Variants in NOVA2 observed in about 807,000 individuals in gnomAD.
NOVA2 encodes the protein NOVA alternative splicing regulator 2, also known as RNA-binding protein Nova-2.
In NOVA2, 9 loss-of-function variants were observed where a neutral mutation model predicts 22.5. The ratio of observed to expected loss-of-function variants is 0.40; its 90% CI spans 0.24 to 0.70. The LOEUF (loss-of-function observed/expected upper bound fraction) is 0.70, where lower values mean the gene tolerates loss of function less well. NOVA2 is among the 30% of genes least tolerant of loss of function. The pLI, the probability that NOVA2 is intolerant of heterozygous loss-of-function variation, is 0.38. For synonymous variants in NOVA2, 318 were observed against 335.2 expected (o/e 0.95, Z 0.56); for missense variants, 383 against 682.8 (o/e 0.56, Z 4.89).
intron 2 of NOVA2, among the ~76,000 whole-genome samples, chr19:45,956,009 C>A (rs188919894): frequency 7.7e-4 from 117 of 152,352 alleles, no homozygotes; most frequent in African/African-American, 2.8e-3. Context: ...ACGACCCTGA[C>A]TCCTCAATTG....
At chr19:45,941,023 C>G in intron 3 of NOVA2, 78 bp from the exon 4 acceptor site, 2 of 1,369,510 alleles carry the variant, frequency 1.5e-6, no homozygotes, top group Non-Finnish European at 2.0e-6. Context: ...GGCACGGTGG[C>G]TGTCGCCTGT....
chr19:45,958,586 AGTGT>A (rs1037590687), intron 2 of NOVA2, among the ~76,000 whole-genome samples: 2 of 148,696 alleles, frequency 1.3e-5, no homozygotes, highest in South Asian at 2.1e-4. Flanking sequence ...AGTGTGAATG[AGTGT>A]GTGTGAGCAT....
intron 1 of NOVA2, among the ~76,000 whole-genome samples, chr19:45,966,083 C>A (rs1326805892): frequency 6.6e-6 from 1 of 152,222 alleles, no homozygotes; most frequent in East Asian, 1.9e-4. Context: ...TTGTTAATCA[C>A]CCATTTCCCT....
chr19:45,973,198 G>A (rs889851479), intron 1 of NOVA2, 69 bp downstream of exon 1: 56 of 792,546 alleles, frequency 7.1e-5, no homozygotes, highest in East Asian at 3.2e-4. Flanking sequence ...CCACGGGAGG[G>A]GGGGAAAGGA....
chr19:45,946,281 G>A (rs1221823778), intron 3 of NOVA2, among the ~76,000 whole-genome samples: 1 of 152,146 alleles, frequency 6.6e-6, no homozygotes, highest in Non-Finnish European at 1.5e-5. Context: ...CAGTCTGGGT[G>A]ATCGAGCCAG....
intron 2 of NOVA2, among the ~76,000 whole-genome samples, chr19:45,956,996 TA>T (rs1968014939): frequency 1.3e-5 from 2 of 152,340 alleles, no homozygotes; most frequent in East Asian, 3.9e-4. Flanking sequence ...GAGGGAGGCA[TA>T]AAATGATGAC....
rs1046697273 is a variant in NOVA2 at position 45,962,933 on chromosome 19, C to T, written c.86-1780G>A. On this transcript the variant is annotated intron_variant, in intron 1 of 3. Coordinates refer to ENST00000263257, the MANE Select transcript of NOVA2 (RefSeq NM_002516.4). ...AAAGTGCTGGGATTACAGGCGTGAG[C>T]CACCGCACCTTGCTTATTATAAACC... 4.0e-5 allele frequency among the ~76,000 whole-genome samples: 6 copies of T among 150,738 alleles called. No individual in the cohort carries two copies. The East Asian group carries it at 1.2e-3, about 31-fold the overall frequency.
intron 1 of NOVA2, among the ~76,000 whole-genome samples, chr19:45,965,454 C>T (rs1407415747): frequency 6.6e-6 from 1 of 152,198 alleles, no homozygotes; most frequent in Non-Finnish European, 1.5e-5. Context: ...TATGGTCGAG[C>T]GCAGTGGCTC....
chr19:45,944,217 G>C (rs1276021141), intron 3 of NOVA2, among the ~76,000 whole-genome samples: 1 of 152,180 alleles, frequency 6.6e-6, no homozygotes, highest in African/African-American at 2.4e-5. Context: ...GAGGCAGGGT[G>C]AATCACTTGA....
intron 2 of NOVA2, among the ~76,000 whole-genome samples, chr19:45,956,679 A>G (rs1968011046): frequency 6.6e-6 from 1 of 152,186 alleles, no homozygotes; most frequent in Non-Finnish European, 1.5e-5. Flanking sequence ...CATGCTGGCC[A>G]GTCTGGCCTC....
intron 3 of NOVA2, among the ~76,000 whole-genome samples, chr19:45,946,763 T>C (rs1430423081): frequency 6.6e-6 from 1 of 151,726 alleles, no homozygotes; most frequent in Non-Finnish European, 1.5e-5. Context: ...TTCCAGCTAC[T>C]TGGGAGGCTG....
At position 45,937,771 on chromosome 19, in the gene NOVA2, C is replaced by T. The variant is rs935988091; in HGVS notation, c.*2092G>A. Reference sequence around the variant, plus strand: ...CAGTGCCCAAGTTACAGCCTCCCATCGGGTGGAAGGGCTGGGGTGGGAAAT... The same window carrying T: ...CAGTGCCCAAGTTACAGCCTCCCATTGGGTGGAAGGGCTGGGGTGGGAAAT... On this transcript the variant is annotated 3_prime_UTR_variant, in exon 4 of 4. Transcript: ENST00000263257. 7.2e-5 allele frequency: 11 copies of T among 152,138 alleles called. No individual in the cohort carries two copies. Among genetic ancestry groups the T allele is most frequent in the Admixed American group, 3.9e-4 (6 of 15,266 alleles). 9.4% of individuals were successfully genotyped at this position (152,138 alleles called of 1,614,324 possible).
intron 3 of NOVA2, among the ~76,000 whole-genome samples, chr19:45,944,326 C>T (rs1165146290): frequency 6.6e-6 from 1 of 152,006 alleles, no homozygotes; most frequent in Admixed American, 6.6e-5. Context: ...CCTGTGGTCC[C>T]AGCTACTTGG....
chr19:45,964,411 A>T (rs1968142197), intron 1 of NOVA2, among the ~76,000 whole-genome samples: 1 of 147,364 alleles, frequency 6.8e-6, no homozygotes, highest in Non-Finnish European at 1.5e-5. Flanking sequence ...TTTTTAGTAG[A>T]GATGGGGTTT....
At position 45,940,120 on chromosome 19, in the gene NOVA2, G is replaced by A; in HGVS notation, c.1222C>T (p.Leu408=). The stretch of plus-strand genomic sequence containing the variant: ...TTCTCAGGCACCGCAATCTCCACCA[G>A]CTCCTTGGCACTCTCAGCCGCCAGC... ...EKLAAESAKE[L]VEIAVPENLV... Residue 408 remains leucine, a synonymous_variant, in exon 4 of 4, where the codon CTG becomes TTG. Transcript: ENST00000263257. 6.2e-7 allele frequency: 1 copy of A among 1,612,714 alleles called. No individual in the cohort carries two copies. Among genetic ancestry groups the A allele is most frequent in the Non-Finnish European group, 8.5e-7 (1 of 1,179,822 alleles).
At chr19:45,944,483 CA>C (rs987391809) in intron 3 of NOVA2, among the ~76,000 whole-genome samples, 22 of 152,030 alleles carry the variant, frequency 1.4e-4, no homozygotes, top group African/African-American at 5.3e-4. Context: ...AACAAAGAAG[CA>C]AAAAATAAAA....
At chr19:45,950,965 C>T (rs1341817904) in intron 3 of NOVA2, among the ~76,000 whole-genome samples, 6 of 152,116 alleles carry the variant, frequency 3.9e-5, no homozygotes, top group Admixed American at 6.6e-5. Context: ...GATCTGATCC[C>T]GGGCCAGAGT....
At chr19:45,956,428 C>T (rs761339574) in intron 2 of NOVA2, among the ~76,000 whole-genome samples, 3 of 151,632 alleles carry the variant, frequency 2.0e-5, no homozygotes, top group Non-Finnish European at 2.9e-5. Flanking sequence ...CTAATAATAG[C>T]TGACCCTTAT....
Position 45,938,442 on chromosome 19 carries a change from A to T in NOVA2, c.*1421T>A, listed in dbSNP as rs559153284. 1.3e-5 allele frequency: 2 copies of T among 152,310 alleles called. No individual in the cohort carries two copies. The highest frequency in any genetic ancestry group is 2.9e-5 in the Non-Finnish European group (2 of 68,086). The allele number at this position is 152,310 out of a possible 1,614,324, so 9.4% of individuals were successfully genotyped here. ...CACACGAAGCATTCTGGCCCAAGGG[A>T]CCCTACTATGGCTCACTGAACTCTA... On this transcript the variant is annotated 3_prime_UTR_variant, in exon 4 of 4. Coordinates refer to ENST00000263257, the MANE Select transcript of NOVA2 (RefSeq NM_002516.4).
Sources: allele counts gnomAD v4.1 joint callset (sites outside exome capture counted in the v4.1 genomes callset), GRCh38; gene constraint gnomAD v4.1.1; transcripts MANE v1.5; gene names NCBI Gene and HGNC (gene_info 2026-07-23, HGNC 2026-07-21).